TMEM86A: variants seen among roughly 807,000 people sequenced by gnomAD.
TMEM86A encodes the protein lysoplasmalogenase TMEM86A.
Under a neutral mutation model 19.8 loss-of-function variants are expected in TMEM86A, and 13 were observed. The observed-to-expected ratio is 0.66, with a 90% confidence interval of 0.43 to 1.04. The LOEUF (loss-of-function observed/expected upper bound fraction) is 1.04, where lower values mean the gene tolerates loss of function less well. Among genes scored for constraint, TMEM86A ranks in the 50% least tolerant of loss-of-function variants. The pLI is 0.00. For synonymous variants in TMEM86A, 128 were observed against 129.9 expected, an observed-to-expected ratio of 0.99 and a Z score of 0.10; for missense variants, 248 against 306.8, an observed-to-expected ratio of 0.81 and a Z score of 1.43.
rs117101196 is a variant in TMEM86A at position 18,700,528 on chromosome 11, C to T, written c.22-405C>T. On this transcript the variant is annotated intron_variant, in intron 1 of 2. Coordinates refer to ENST00000280734, the MANE Select transcript of TMEM86A (RefSeq NM_153347.3). Reference sequence around the variant, plus strand: ...CCAGGGCCCTAAGGCTGCACCCTGGCCCCATGCTGAGGATCACGAGTTGGC... The same window carrying T: ...CCAGGGCCCTAAGGCTGCACCCTGGTCCCATGCTGAGGATCACGAGTTGGC... 382 of 234,940 alleles carry T rather than the reference C, an allele frequency of 1.6e-3. 2 individuals carry two copies. The highest frequency in any genetic ancestry group is 3.3e-3 in the Middle Eastern group (2 of 600). The allele number at this position is 234,940 out of a possible 1,614,324, so 14.6% of individuals were successfully genotyped here.
Position 18,701,477 on chromosome 11 carries a change from C to A in TMEM86A, c.287-96C>A. On this transcript the variant is annotated intron_variant, in intron 2 of 2. Coordinates refer to ENST00000280734, the MANE Select transcript of TMEM86A (RefSeq NM_153347.3). This position sits in a 1 kb window ranked among gnomAD's most constrained non-coding sequence, Gnocchi z 5.3. ...AGCAAAGCTGCTGGGTTATCCCAAA[C>A]ACTCCACTCCATCGCCACATCCATC... The A allele has an allele frequency of 7.4e-7, 1 of 1,350,298 alleles. No homozygotes were observed. The highest frequency in any genetic ancestry group is 1.0e-6 in the Non-Finnish European group (1 of 986,234). 83.6% of individuals were successfully genotyped at this position (1,350,298 alleles called of 1,614,324 possible). A position where few individuals can be genotyped will look rare whatever the true frequency, so the allele number is the denominator to read the frequency against.
Position 18,701,466 on chromosome 11 carries a change from G to A in TMEM86A, c.287-107G>A, listed in dbSNP as rs986326474. The A allele has an allele frequency of 7.7e-7, 1 of 1,290,878 alleles. No homozygotes were observed. The highest frequency in any genetic ancestry group is 2.3e-5 in the East Asian group (1 of 42,962). The allele number at this position is 1,290,878 out of a possible 1,614,324, so 80.0% of individuals were successfully genotyped here. ...TGTTATCCCAAAGCAAAGCTGCTGG[G>A]TTATCCCAAACACTCCACTCCATCG... is the stretch of plus-strand genomic sequence containing the variant. On this transcript the variant is annotated intron_variant, in intron 2 of 2. Coordinates refer to ENST00000280734, the MANE Select transcript of TMEM86A (RefSeq NM_153347.3). This position sits in a 1 kb window ranked among gnomAD's most constrained non-coding sequence, Gnocchi z 5.3.
rs2134150558 is a variant in TMEM86A at position 18,701,818 on chromosome 11, G to A, written c.532G>A (p.Ala178Thr). Residue 178 changes from alanine (A) to threonine (T), a missense_variant, in exon 3 of 3, where the codon GCA (alanine) becomes ACA (threonine). By Grantham distance (58) the Ala-to-Thr change is moderately conservative. Transcript: ENST00000280734. This position sits in a 1 kb window ranked among gnomAD's most constrained non-coding sequence, Gnocchi z 5.3. ...GGCAGACTGGCGCTGGACAGAGCTGGCAGCTGGCAGTGGTGCACTCTTCTT... is the reference window on the plus strand; with the variant it reads ...GGCAGACTGGCGCTGGACAGAGCTGACAGCTGGCAGTGGTGCACTCTTCTT... ...AGADWRWTELAAGSGALFFII... is the reference protein window; with the variant it reads ...AGADWRWTELTAGSGALFFII... 1 of 1,614,134 alleles carries A rather than the reference G, an allele frequency of 6.2e-7. No homozygotes were observed. The highest frequency in any genetic ancestry group is 8.5e-7 in the Non-Finnish European group (1 of 1,180,036).
rs537282553 is a variant in TMEM86A at position 18,704,412 on chromosome 11, C to A, written c.*2403C>A. On this transcript the variant is annotated 3_prime_UTR_variant, in exon 3 of 3. Coordinates refer to ENST00000280734, the MANE Select transcript of TMEM86A (RefSeq NM_153347.3). Reference sequence around the variant, plus strand: ...TTCCTACACTGGGCCATGCAGAGGACAGGCCAAGAAACTCCACATCATAAC... The same window carrying A: ...TTCCTACACTGGGCCATGCAGAGGAAAGGCCAAGAAACTCCACATCATAAC... 1.4e-5 allele frequency: 17 copies of A among 1,203,396 alleles called. No individual in the cohort carries two copies. The South Asian group carries it at 2.1e-4, about 15-fold the overall frequency. 74.5% of individuals were successfully genotyped at this position (1,203,396 alleles called of 1,614,324 possible).
rs1590427563 is a variant in TMEM86A at position 18,699,181 on chromosome 11, G to A, written c.21+274G>A. Among the ~76,000 whole-genome samples the A allele has an allele frequency of 1.3e-5, 2 of 152,338 alleles. No individual in the cohort carries two copies. The highest frequency in any genetic ancestry group is 6.8e-3 in the Middle Eastern group (2 of 294). On this transcript the variant is annotated intron_variant, in intron 1 of 2. Transcript: ENST00000280734. The surrounding 1 kb of genome is among the most constrained non-coding windows in gnomAD (Gnocchi z 4.0). ...GACTTTGTTGATCTCCATGTATTTGGCGCGGGTCGGCGGGGTCGCGGCCCG... is the reference window on the plus strand; with the variant it reads ...GACTTTGTTGATCTCCATGTATTTGACGCGGGTCGGCGGGGTCGCGGCCCG...
Position 18,701,735 on chromosome 11 carries a change from A to G in TMEM86A, c.449A>G (p.Tyr150Cys), listed in dbSNP as rs747819934. The G allele has an allele frequency of 3.1e-6, 5 of 1,614,092 alleles. No homozygotes were observed. Among genetic ancestry groups the G allele is most frequent in the Admixed American group, 3.3e-5 (2 of 60,010 alleles). ...SGAFTYLVGV[Y>C]VALIGFMGWR... The stretch of plus-strand genomic sequence containing the variant: ...GCCTTCACCTACCTGGTGGGGGTCT[A>G]TGTGGCCCTTATCGGCTTCATGGGC... The change falls in exon 3 of 3, where the codon TAT (tyrosine) becomes TGT (cysteine). Residue 150 changes from tyrosine to cysteine, a missense_variant. Physicochemically the swap from Tyr to Cys is radical, Grantham distance 194. Transcript: ENST00000280734. The surrounding 1 kb of genome is among the most constrained non-coding windows in gnomAD (Gnocchi z 5.3).
chr11:18,703,744 G>C lies in TMEM86A; in HGVS notation c.*1735G>C, dbSNP rs1379278777. ...TGGGGATGTGATTTAGGAGACTCAA[G>C]TCTCAGGGGTGGTTGGATGAGTCAG... On this transcript the variant is annotated 3_prime_UTR_variant, in exon 3 of 3. Transcript: ENST00000280734. 6.6e-6 allele frequency: 1 copy of C among 152,218 alleles called. No individual in the cohort carries two copies. The highest frequency in any genetic ancestry group is 1.5e-5 in the Non-Finnish European group (1 of 68,038). 9.4% of individuals were successfully genotyped at this position (152,218 alleles called of 1,614,324 possible).
In TMEM86A at chr11:18,699,894, T is replaced by A. The variant is rs1166592673; in HGVS notation, c.21+987T>A. ...TCACCTAGCCAGAGACACAATCGCTTTGGGCAGAGTGTGGGTGTACAGGGA... is the reference window on the plus strand; with the variant it reads ...TCACCTAGCCAGAGACACAATCGCTATGGGCAGAGTGTGGGTGTACAGGGA... On this transcript the variant is annotated intron_variant, in intron 1 of 2. Transcript: ENST00000280734. The surrounding 1 kb of genome is among the most constrained non-coding windows in gnomAD (Gnocchi z 4.0). The A allele has an allele frequency of 6.6e-6, 1 of 152,422 alleles. No homozygotes were observed. Among genetic ancestry groups the A allele is most frequent in the East Asian group, 1.9e-4 (1 of 5,200 alleles). The allele number at this position is 152,422 out of a possible 1,614,324, so 9.4% of individuals were successfully genotyped here.
chr11:18,699,066 C>T lies in TMEM86A; in HGVS notation c.21+159C>T, dbSNP rs890763278. 4.6e-5 allele frequency among the ~76,000 whole-genome samples: 7 copies of T among 152,078 alleles called. No homozygotes were observed. Among genetic ancestry groups the T allele is most frequent in the Non-Finnish European group, 7.4e-5 (5 of 67,932 alleles). Reference sequence around the variant, plus strand: ...CGGGAGGCGGGCGCTGTCACCGCCCCCCGCTCCTCAGACTCGCGGCGCCCC... The same window carrying T: ...CGGGAGGCGGGCGCTGTCACCGCCCTCCGCTCCTCAGACTCGCGGCGCCCC... On this transcript the variant is annotated intron_variant, in intron 1 of 2. Transcript: ENST00000280734. This position sits in a 1 kb window ranked among gnomAD's most constrained non-coding sequence, Gnocchi z 4.0.
Position 18,701,056 on chromosome 11 carries a change from T to C in TMEM86A, c.145T>C (p.Cys49Arg). 3 of 1,614,208 alleles carry C rather than the reference T, an allele frequency of 1.9e-6. No homozygotes were observed. Among genetic ancestry groups the C allele is most frequent in the Non-Finnish European group, 1.7e-6 (2 of 1,180,036 alleles). Residue 49 changes from cysteine to arginine, a missense_variant, in exon 2 of 3, where the codon TGC (cysteine) becomes CGC (arginine). Transcript: ENST00000280734. The surrounding 1 kb of genome is among the most constrained non-coding windows in gnomAD (Gnocchi z 5.3). ...STLIKCLPIF[C>R]LWLFLLAHGL... ...CCTCATCAAGTGCCTGCCTATCTTC[T>C]GCCTCTGGCTCTTCCTTCTGGCCCA...
intron 1 of TMEM86A, 35 bp downstream of exon 1, chr11:18,698,942 C>G (rs1173631182): frequency 1.7e-6 from 1 of 587,028 alleles, no homozygotes; most frequent in Admixed American, 2.9e-5. Context: ...GTGCCCGGCG[C>G]GGCTGGAGCC....
At position 18,703,997 on chromosome 11, in the gene TMEM86A, A is replaced by C. The variant is rs1441191307; in HGVS notation, c.*1988A>C. 6.3e-6 allele frequency: 1 copy of C among 158,626 alleles called. No individual in the cohort carries two copies. Among genetic ancestry groups the C allele is most frequent in the African/African-American group, 2.4e-5 (1 of 41,668 alleles). The allele number at this position is 158,626 out of a possible 1,614,324, so 9.8% of individuals were successfully genotyped here. ...TTCTAGCTCTGAACCCTGGACACTA[A>C]AGAGGGAAGATCTTGATCCTTTCAA... On this transcript the variant is annotated 3_prime_UTR_variant, in exon 3 of 3. Transcript: ENST00000280734.
Position 18,699,629 on chromosome 11 carries a change from G to T in TMEM86A, c.21+722G>T, listed in dbSNP as rs1327496086. Among the ~76,000 whole-genome samples the T allele has an allele frequency of 6.6e-6, 1 of 152,152 alleles. No homozygotes were observed. ...GGCAGGTGGTTGCTGGGCATTGTGG[G>T]CCTGGGCATCCCCTCCAGCCGCCTC... On this transcript the variant is annotated intron_variant, in intron 1 of 2. Coordinates refer to ENST00000280734, the MANE Select transcript of TMEM86A (RefSeq NM_153347.3). This position sits in a 1 kb window ranked among gnomAD's most constrained non-coding sequence, Gnocchi z 4.0.
rs1848133565 is a variant in TMEM86A, at chr11:18,699,847, C to T, written c.21+940C>T. The T allele has an allele frequency of 6.6e-6, 1 of 152,442 alleles. No homozygotes were observed. Among genetic ancestry groups the T allele is most frequent in the South Asian group, 2.1e-4 (1 of 4,834 alleles). The allele number at this position is 152,442 out of a possible 1,614,324, so 9.4% of individuals were successfully genotyped here. ...CTGGTCGTCTGGACTCTGAGTGTTT[C>T]CCAAGTCCTGTGCTGGGCAGCTCAC... On this transcript the variant is annotated intron_variant, in intron 1 of 2. Transcript: ENST00000280734. The surrounding 1 kb of genome is among the most constrained non-coding windows in gnomAD (Gnocchi z 4.0).
In TMEM86A at chr11:18,701,239, G is replaced by A; in HGVS notation, c.286+42G>A. ...GTTGCCTGGGAGGAGTCCTGGGGCT[G>A]GGGGATAGAGGGTCCTGGGCTGTGG... On this transcript the variant is annotated intron_variant, in intron 2 of 2. Transcript: ENST00000280734. This position sits in a 1 kb window ranked among gnomAD's most constrained non-coding sequence, Gnocchi z 5.3. The A allele has an allele frequency of 1.3e-6, 2 of 1,598,798 alleles. No homozygotes were observed. Among genetic ancestry groups the A allele is most frequent in the Non-Finnish European group, 1.7e-6 (2 of 1,172,018 alleles).
chr11:18,700,878 G>A, intron 1 of TMEM86A, 55 bp from the exon 2 acceptor site: 2 of 1,595,206 alleles, frequency 1.3e-6, no homozygotes, highest in Non-Finnish European at 1.7e-6. Flanking sequence ...TAGGCTGAGG[G>A]TGCTGGCTTT....
chr11:18,702,512 T>C lies in TMEM86A; in HGVS notation c.*503T>C, dbSNP rs1036093113. 2 of 172,296 alleles carry C rather than the reference T, an allele frequency of 1.2e-5. No individual in the cohort carries two copies. The highest frequency in any genetic ancestry group is 4.7e-5 in the African/African-American group (2 of 42,150). The allele number at this position is 172,296 out of a possible 1,614,324, so 10.7% of individuals were successfully genotyped here. A position where few individuals can be genotyped will look rare whatever the true frequency, so the allele number is the denominator to read the frequency against. ...CAGGCCCCTAGTTGGGAAGACTGGATGAGAGTGGAGCCTCCGTTTCTTTTC... is the reference window on the plus strand; with the variant it reads ...CAGGCCCCTAGTTGGGAAGACTGGACGAGAGTGGAGCCTCCGTTTCTTTTC... On this transcript the variant is annotated 3_prime_UTR_variant, in exon 3 of 3. Coordinates refer to ENST00000280734, the MANE Select transcript of TMEM86A (RefSeq NM_153347.3).
Position 18,701,197 on chromosome 11 carries a change from G to C in TMEM86A, c.286G>C (p.Gly96Arg). 6.2e-7 allele frequency: 1 copy of C among 1,613,268 alleles called. No individual in the cohort carries two copies. The highest frequency in any genetic ancestry group is 8.5e-7 in the Non-Finnish European group (1 of 1,179,738). ...IWQDQGYFVHGLLMFAVTHMF... is the reference protein window; with the variant it reads ...IWQDQGYFVHRLLMFAVTHMF... ...GCAGGACCAAGGATACTTCGTGCATGGTCAGTGGCCATAGTAGTTGCCTGG... is the reference window on the plus strand; with the variant it reads ...GCAGGACCAAGGATACTTCGTGCATCGTCAGTGGCCATAGTAGTTGCCTGG... The change falls in exon 2 of 3, where the codon GGT (glycine) becomes CGT (arginine). Residue 96 changes from glycine (G) to arginine (R), a missense_variant and splice_region_variant. Transcript: ENST00000280734. This position sits in a 1 kb window ranked among gnomAD's most constrained non-coding sequence, Gnocchi z 5.3.
In TMEM86A at chr11:18,701,049, T is replaced by C. The variant is rs111591664; in HGVS notation, c.138T>C (p.Pro46=). ...SWVSTLIKCL[P]IFCLWLFLLA... ...TCAGCACCCTCATCAAGTGCCTGCC[T>C]ATCTTCTGCCTCTGGCTCTTCCTTC... Residue 46 remains proline (P), a synonymous_variant, in exon 2 of 3, where the codon CCT becomes CCC. Transcript: ENST00000280734. The surrounding 1 kb of genome is among the most constrained non-coding windows in gnomAD (Gnocchi z 5.3). 3.5e-5 allele frequency: 57 copies of C among 1,614,206 alleles called. 1 individual carries two copies. In the African/African-American group the frequency reaches 3.9e-4, roughly 11 times the overall value.
Sources: allele counts gnomAD v4.1 joint callset (sites outside exome capture counted in the v4.1 genomes callset), GRCh38; gene constraint gnomAD v4.1.1; non-coding constraint Gnocchi (gnomAD v3.1); transcripts MANE v1.5; gene names NCBI Gene and HGNC (gene_info 2026-07-23, HGNC 2026-07-21).